ELP6: variants seen among roughly 807,000 people sequenced by gnomAD.
ELP6 encodes elongator acetyltransferase complex subunit 6.
Under a neutral mutation model 28.1 loss-of-function variants are expected in ELP6, and 23 were observed. That is an observed-to-expected ratio of 0.82 (90% confidence interval 0.59 to 1.16). ELP6 has a LOEUF of 1.16. Ranked by LOEUF, ELP6 falls within the 50% of genes most tolerant of loss-of-function variation. The pLI is 0.00. For missense variants in ELP6, 313 were observed against 334.6 expected, an observed-to-expected ratio of 0.94 and a Z score of 0.50; for synonymous variants, 132 against 135.8, an observed-to-expected ratio of 0.97 and a Z score of 0.19.
chr3:47,513,473 C>G, intron 1 of ELP6, 64 bp downstream of exon 1: 2 of 1,582,636 alleles, frequency 1.3e-6, no homozygotes, highest in South Asian at 2.3e-5. Flanking sequence ...CGCACCGCCT[C>G]CCGGATGCAG....
chr3:47,509,303 G>A (rs932783490), intron 3 of ELP6, among the ~76,000 whole-genome samples: 2 of 152,164 alleles, frequency 1.3e-5, no homozygotes, highest in African/African-American at 4.8e-5. Context: ...GAGTAGCCCA[G>A]TTCTCTCCCT....
At chr3:47,511,894 G>A (rs1329032919) in intron 1 of ELP6, 6 of 985,330 alleles carry the variant, frequency 6.1e-6, no homozygotes, top group South Asian at 4.7e-5. Flanking sequence ...CCTCCTTGCC[G>A]TGTGACCTTC....
intron 1 of ELP6, chr3:47,511,860 G>A (rs1709026130): frequency 1.0e-6 from 1 of 985,620 alleles, no homozygotes; most frequent in Non-Finnish European, 1.2e-6. Context: ...GGAAGGTCAG[G>A]ATCAAGTGAT....
At chr3:47,498,647 C>T in intron 5 of ELP6, 4 of 985,356 alleles carry the variant, frequency 4.1e-6, no homozygotes, top group Non-Finnish European at 4.8e-6. Context: ...ATGAGCCAAC[C>T]CATATTTTCA....
chr3:47,496,245 G>A, intron 6 of ELP6, 48 bp from the exon 7 acceptor site: 1 of 1,598,276 alleles, frequency 6.3e-7, no homozygotes, highest in Non-Finnish European at 8.5e-7. Flanking sequence ...CCCAGGACCT[G>A]CTCCACTGGG....
intron 5 of ELP6, chr3:47,499,825 C>A (rs1708592241): frequency 7.8e-6 from 9 of 1,153,612 alleles, no homozygotes; most frequent in Middle Eastern, 4.0e-4. Context: ...GTGGCCCCAG[C>A]TGGACTGCTG....
At chr3:47,512,686 A>G in intron 1 of ELP6, 11 of 985,450 alleles carry the variant, frequency 1.1e-5, no homozygotes, top group Non-Finnish European at 1.3e-5. Flanking sequence ...GGTGCCCAAG[A>G]CGGACTTGGT....
chr3:47,499,964 A>C, intron 5 of ELP6: 1 of 1,350,900 alleles, frequency 7.4e-7, no homozygotes, highest in African/African-American at 1.5e-5. Context: ...GGTGTCGGCC[A>C]AGTTTGAGGG....
intron 1 of ELP6, chr3:47,512,145 C>A: frequency 1.1e-6 from 1 of 903,014 alleles, no homozygotes; most frequent in Non-Finnish European, 1.3e-6. Context: ...CTACTGAAAG[C>A]TACAATTTGG....
At chr3:47,507,632 A>G (rs1233947436) in intron 3 of ELP6, among the ~76,000 whole-genome samples, 1 of 145,370 alleles carries the variant, frequency 6.9e-6, no homozygotes, top group Non-Finnish European at 1.5e-5. Context: ...CCATTCTCCA[A>G]AAAAAAAAAA....
At chr3:47,511,295 G>A (rs1459618455) in intron 1 of ELP6, 69 bp from the exon 2 acceptor site, 2 of 1,555,322 alleles carry the variant, frequency 1.3e-6, no homozygotes, top group African/African-American at 2.7e-5. Context: ...CAGAAATCTA[G>A]TCAATTGTGT....
At chr3:47,505,538 GGGAT>G (rs1708807145) in intron 3 of ELP6, among the ~76,000 whole-genome samples, 1 of 151,894 alleles carries the variant, frequency 6.6e-6, no homozygotes, top group Non-Finnish European at 1.5e-5. Context: ...TTGAGTAGCT[GGGAT>G]TACAGGTATG....
At chr3:47,504,197 CA>C in intron 4 of ELP6, 132 bp downstream of exon 4, 1 of 1,106,324 alleles carries the variant, frequency 9.0e-7, no homozygotes. Context: ...GCTGCAACAC[CA>C]GATGAAGTGT....
chr3:47,498,079 A>T (rs1708530448), intron 6 of ELP6: 3 of 1,391,656 alleles, frequency 2.2e-6, no homozygotes, highest in Non-Finnish European at 2.8e-6. Context: ...CACAAATGGG[A>T]CCCCCATGGA....
chr3:47,513,680 G>C lies in ELP6; in HGVS notation c.-90C>G, dbSNP rs961283893. On this transcript the variant is annotated 5_prime_UTR_variant, in exon 1 of 7. Coordinates refer to ENST00000296149, the MANE Select transcript of ELP6 (RefSeq NM_001031703.3). Reference sequence around the variant, plus strand: ...GAGAGCAAAACACACCCGACAGCCCGGCTCGCGCAAGGAAGCGCGCATGCG... The same window carrying C: ...GAGAGCAAAACACACCCGACAGCCCCGCTCGCGCAAGGAAGCGCGCATGCG... 7.1e-6 allele frequency: 11 copies of C among 1,541,764 alleles called. No individual in the cohort carries two copies. Among genetic ancestry groups the C allele is most frequent in the Non-Finnish European group, 9.7e-6 (11 of 1,129,966 alleles).
rs557493513 is a variant in ELP6 at position 47,510,055 on chromosome 3, C to T, written c.204+129G>A. 2.4e-4 allele frequency: 177 copies of T among 748,456 alleles called. 2 individuals are homozygous for T. The Middle Eastern group carries it at 2.4e-3, about 10-fold the overall frequency. 46.4% of individuals were successfully genotyped at this position (748,456 alleles called of 1,614,324 possible). ...GATTACAGGCGTGAGCCACCACGCC[C>T]GGCCCAATATTTCTTTAGTCCCTCT... On this transcript the variant is annotated intron_variant, in intron 3 of 6. Transcript: ENST00000296149.
intron 1 of ELP6, chr3:47,513,273 T>C (rs1321459058): frequency 8.3e-6 from 11 of 1,326,630 alleles, no homozygotes; most frequent in Non-Finnish European, 1.1e-5. Flanking sequence ...ATTACAGGGG[T>C]GAGCCACCGC....
intron 5 of ELP6, among the ~76,000 whole-genome samples, chr3:47,499,028 A>G (rs1240928610): frequency 6.6e-6 from 1 of 152,232 alleles, no homozygotes; most frequent in Non-Finnish European, 1.5e-5. Flanking sequence ...AACCCTGCCA[A>G]AAAGTGACAG....
intron 1 of ELP6, chr3:47,512,530 G>A: frequency 1.1e-6 from 1 of 888,788 alleles, no homozygotes; most frequent in Non-Finnish European, 1.3e-6. Flanking sequence ...CAGCCCAGGC[G>A]AGGGAGCGAG....
Sources: gnomAD v4.1 joint callset for allele counts (sites outside exome capture counted in the v4.1 genomes callset) on GRCh38, gnomAD v4.1.1 for gene constraint, MANE v1.5 for transcripts, NCBI Gene and HGNC (gene_info 2026-07-23, HGNC 2026-07-21) for gene names.